The following ARRB2 variants were observed in gnomAD, a reference collection of about 807,000 sequenced individuals.
The protein encoded by ARRB2 is beta-arrestin-2.
In ARRB2, 21 loss-of-function variants were observed where a neutral mutation model predicts 53.4. The observed-to-expected ratio is 0.39, with a 90% CI of 0.28 to 0.57. The LOEUF (loss-of-function observed/expected upper bound fraction) is 0.57, where lower values mean the gene tolerates loss of function less well. Ranked by LOEUF, ARRB2 falls within the 20% of genes least tolerant of loss-of-function variation. ARRB2 has a pLI of 0.55. For missense variants in ARRB2, 369 were observed against 527.5 expected (o/e 0.70, Z 2.94); for synonymous variants, 180 against 212.9 (o/e 0.85, Z 1.34).
chr17:4,713,790 CAAA>C (rs562386798), intron 1 of ARRB2, among the ~76,000 whole-genome samples: 4 of 120,296 alleles, frequency 3.3e-5, no homozygotes, highest in Non-Finnish European at 3.5e-5. Context: ...ACTCCATCTC[CAAA>C]AAAAAAAAAA....
At chr17:4,716,977 G>A (rs1449208807) in intron 5 of ARRB2, 2 of 587,334 alleles carry the variant, frequency 3.4e-6, no homozygotes, top group Admixed American at 3.0e-5. Context: ...TGGGATTACA[G>A]GCACGCACCA....
chr17:4,713,523 C>T (rs1567679434), intron 1 of ARRB2, among the ~76,000 whole-genome samples: 2 of 151,456 alleles, frequency 1.3e-5, no homozygotes, highest in Admixed American at 6.6e-5. Context: ...CCCAGCTACT[C>T]GGGAGGCTGA....
chr17:4,718,202 A>T, intron 8 of ARRB2, 59 bp from the exon 9 acceptor site: 3 of 1,562,342 alleles, frequency 1.9e-6, no homozygotes, highest in Non-Finnish European at 2.6e-6. Context: ...TTGGGGACAC[A>T]CTGATGATGG....
intron 2 of ARRB2, chr17:4,715,334 A>C: frequency 9.0e-6 from 4 of 443,748 alleles, no homozygotes; most frequent in South Asian, 3.7e-5. Flanking sequence ...GAGCCAACCC[A>C]AGGTGCGTGG....
chr17:4,719,908 G>C (rs563957923), intron 11 of ARRB2, among the ~76,000 whole-genome samples: 1 of 152,300 alleles, frequency 6.6e-6, no homozygotes, highest in South Asian at 2.1e-4. Flanking sequence ...AGCAGGCCCG[G>C]AGGGCAACTT....
At position 4,716,186 on chromosome 17, in the gene ARRB2, G is replaced by A. The variant is rs748931059; in HGVS notation, c.155G>A (p.Arg52His). 2.5e-5 allele frequency: 40 copies of A among 1,614,094 alleles called. No homozygotes were observed. The highest frequency in any genetic ancestry group is 3.3e-4 in the Middle Eastern group (2 of 6,004). ...VLVDPDYLKD[R>H]KVFVTLTCAF... ...GTGGACCCTGACTACCTGAAGGACC[G>A]CAAAGGTACTGGCCCCAAGTCCAGG... Residue 52 changes from arginine (R) to histidine (H), a missense_variant, in exon 4 of 15, where the codon CGC (arginine) becomes CAC (histidine). Coordinates refer to ENST00000269260, the MANE Select transcript of ARRB2 (RefSeq NM_004313.4).
chr17:4,716,439 G>T lies in ARRB2; in HGVS notation c.188G>T (p.Arg63Leu), dbSNP rs1213451351. The T allele has an allele frequency of 6.2e-7, 1 of 1,614,158 alleles. No homozygotes were observed. Among genetic ancestry groups the T allele is most frequent in the South Asian group, 1.1e-5 (1 of 91,082 alleles). ...TTTGTGACCCTCACCTGCGCCTTCC[G>T]CTATGGCCGTGAAGACCTGGATGTG... ...KVFVTLTCAF[R>L]YGREDLDVLG... is the part of the protein sequence containing the mutation. Residue 63 changes from arginine to leucine, a missense_variant, in exon 5 of 15, where the codon CGC becomes CTC. Coordinates refer to ENST00000269260, the MANE Select transcript of ARRB2 (RefSeq NM_004313.4).
intron 10 of ARRB2, 137 bp downstream of exon 10, chr17:4,718,821 GC>G: frequency 2.1e-6 from 2 of 939,140 alleles, no homozygotes; most frequent in Non-Finnish European, 3.0e-6. Context: ...TGCTCTTGTT[GC>G]CCAGCCTGGA....
chr17:4,715,248 G>A (rs1360430566), intron 2 of ARRB2: 4 of 626,940 alleles, frequency 6.4e-6, no homozygotes, highest in Non-Finnish European at 1.1e-5. Flanking sequence ...AGGGCTGGGT[G>A]GGGCAGGCTT....
chr17:4,713,214 G>A (rs563995784), intron 1 of ARRB2, among the ~76,000 whole-genome samples: 119 of 152,232 alleles, frequency 7.8e-4, no homozygotes, highest in African/African-American at 2.8e-3. Context: ...CAAAATACAG[G>A]CCAGACACAG....
rs1028003791 is a variant in ARRB2 at position 4,717,173 on chromosome 17, G to C, written c.358-44G>C. ...GGTTGAGATTTGGAGGAAGATCTGGGGGCTTTCTGGAAGAACTGAAGTCTT... is the reference window on the plus strand; with the variant it reads ...GGTTGAGATTTGGAGGAAGATCTGGCGGCTTTCTGGAAGAACTGAAGTCTT... On this transcript the variant is annotated intron_variant, in intron 5 of 14. Transcript: ENST00000269260. This position sits in a 1 kb window ranked among gnomAD's most constrained non-coding sequence, Gnocchi z 6.0. The C allele has an allele frequency of 6.3e-7, 1 of 1,596,914 alleles. No individual in the cohort carries two copies. Among genetic ancestry groups the C allele is most frequent in the African/African-American group, 1.3e-5 (1 of 74,564 alleles).
rs1322353625 is a variant in ARRB2 at position 4,716,619 on chromosome 17, C to T, written c.357+11C>T. The T allele has an allele frequency of 1.3e-6, 2 of 1,555,504 alleles. No individual in the cohort carries two copies. Among genetic ancestry groups the T allele is most frequent in the Non-Finnish European group, 1.7e-6 (2 of 1,151,322 alleles). On this transcript the variant is annotated intron_variant, in intron 5 of 14. Transcript: ENST00000269260. ...CCCTTCTTCTTCACCGTGAGGATGC[C>T]CCTGCCCTCTGAGGGCCAGGGGGCT...
Position 4,718,028 on chromosome 17 carries a change from G to A in ARRB2, c.621+5G>A, listed in dbSNP as rs1435043888. The A allele has an allele frequency of 1.2e-6, 2 of 1,612,890 alleles. No homozygotes were observed. Among genetic ancestry groups the A allele is most frequent in the Non-Finnish European group, 1.7e-6 (2 of 1,179,998 alleles). Reference sequence around the variant, plus strand: ...GAGGCTTCCCTGGACAAGGAGGTGGGGCGTGAGAGGGTGACACGGATGCCA... The same window carrying A: ...GAGGCTTCCCTGGACAAGGAGGTGGAGCGTGAGAGGGTGACACGGATGCCA... On this transcript the variant is annotated splice_donor_5th_base_variant and intron_variant, in intron 8 of 14. Coordinates refer to ENST00000269260, the MANE Select transcript of ARRB2 (RefSeq NM_004313.4).
At chr17:4,713,626 G>A (rs529547094) in intron 1 of ARRB2, among the ~76,000 whole-genome samples, 14 of 150,756 alleles carry the variant, frequency 9.3e-5, no homozygotes, top group East Asian at 3.9e-4. Flanking sequence ...GTGAGACTCC[G>A]TTTCAAAAAA....
In ARRB2 at chr17:4,719,317, G is replaced by A; in HGVS notation, c.814G>A (p.Val272Met). 1 of 1,614,122 alleles carries A rather than the reference G, an allele frequency of 6.2e-7. No individual in the cohort carries two copies. Among genetic ancestry groups the A allele is most frequent in the Middle Eastern group, 1.7e-4 (1 of 6,058 alleles). ...ATCTCCCAGCTCCACATTCTGTAAG[G>A]TGTACACCATAACCCCACTGCTCAG... ...QVSPSSTFCK[V>M]YTITPLLSDN... is the part of the protein sequence containing the mutation. The change falls in exon 11 of 15, where the codon GTG becomes ATG. Residue 272 changes from valine (V) to methionine (M), a missense_variant. Physicochemically the swap from Val to Met is conservative, Grantham distance 21. Coordinates refer to ENST00000269260, the MANE Select transcript of ARRB2 (RefSeq NM_004313.4).
At position 4,716,618 on chromosome 17, in the gene ARRB2, C is replaced by G; in HGVS notation, c.357+10C>G. The G allele has an allele frequency of 1.3e-6, 2 of 1,550,426 alleles. No homozygotes were observed. Among genetic ancestry groups the G allele is most frequent in the Non-Finnish European group, 1.7e-6 (2 of 1,148,778 alleles). Reference sequence around the variant, plus strand: ...CCCCTTCTTCTTCACCGTGAGGATGCCCCTGCCCTCTGAGGGCCAGGGGGC... The same window carrying G: ...CCCCTTCTTCTTCACCGTGAGGATGGCCCTGCCCTCTGAGGGCCAGGGGGC... On this transcript the variant is annotated intron_variant, in intron 5 of 14. Transcript: ENST00000269260.
chr17:4,715,209 G>A (rs745848693), intron 2 of ARRB2, 166 bp downstream of exon 2: 19 of 803,380 alleles, frequency 2.4e-5, no homozygotes, highest in Admixed American at 1.5e-4. Context: ...GCCCCTTGCC[G>A]CAGAGGCTGC....
At chr17:4,716,214 GC>G (rs1567682200) in intron 4 of ARRB2, 23 bp downstream of exon 4, 2 of 1,613,672 alleles carry the variant, frequency 1.2e-6, no homozygotes, top group African/African-American at 2.7e-5. Context: ...AGTCCAGGGG[GC>G]CCAGGGAAAG....
At position 4,717,343 on chromosome 17, in the gene ARRB2, G is replaced by A; in HGVS notation, c.417+67G>A. ...GGGCCAGCAGGAGCCTGGAGGCACA[G>A]CTGAGCCAGAGGGTGAACTGTCGAG... On this transcript the variant is annotated intron_variant, in intron 6 of 14. Transcript: ENST00000269260. This position sits in a 1 kb window ranked among gnomAD's most constrained non-coding sequence, Gnocchi z 6.0. The A allele has an allele frequency of 6.4e-7, 1 of 1,574,360 alleles. No individual in the cohort carries two copies. Among genetic ancestry groups the A allele is most frequent in the Non-Finnish European group, 8.7e-7 (1 of 1,144,210 alleles).
Sources: allele counts gnomAD v4.1 joint callset (sites outside exome capture counted in the v4.1 genomes callset), GRCh38; gene constraint gnomAD v4.1.1; non-coding constraint Gnocchi (gnomAD v3.1); transcripts MANE v1.5; gene names NCBI Gene and HGNC (gene_info 2026-07-23, HGNC 2026-07-21).